GLT1D1: variants seen among roughly 807,000 people sequenced by gnomAD.
GLT1D1 encodes glycosyltransferase 1 domain containing 1.
GLT1D1 carries 21 observed loss-of-function variants against 28.7 expected under a neutral mutation model. That is an observed-to-expected ratio of 0.73 (90% CI 0.52 to 1.05). The LOEUF is 1.05. GLT1D1 is among the 50% of genes least tolerant of loss of function. The pLI is 0.00. For synonymous variants in GLT1D1, 147 were observed against 124.8 expected (o/e 1.18, Z -1.19); for missense variants, 343 against 330.6 (o/e 1.04, Z -0.29).
intron 1 of GLT1D1, among the ~76,000 whole-genome samples, chr12:128,859,435 C>T (rs778347840): frequency 2.9e-4 from 44 of 152,304 alleles, no homozygotes; most frequent in Middle Eastern, 3.4e-3. Context: ...CCATTTTGCC[C>T]CCAGGGCCGT....
chr12:128,959,610 T>C (rs1374791616), intron 7 of GLT1D1, among the ~76,000 whole-genome samples: 1 of 152,106 alleles, frequency 6.6e-6, no homozygotes, highest in East Asian at 1.9e-4. Context: ...TCTCTGTTAT[T>C]GTCTACAAAA....
At chr12:128,966,612 C>T (rs561154624) in intron 7 of GLT1D1, among the ~76,000 whole-genome samples, 23 of 152,212 alleles carry the variant, frequency 1.5e-4, no homozygotes, top group South Asian at 4.1e-4. Context: ...CTCTTCTGCA[C>T]GCAGCCCCAG....
At chr12:128,886,877 C>T (rs1391015235) in intron 2 of GLT1D1, among the ~76,000 whole-genome samples, 1 of 152,054 alleles carries the variant, frequency 6.6e-6, no homozygotes, top group Non-Finnish European at 1.5e-5. Context: ...AGCCTAAACC[C>T]CTGGTGAACC....
chr12:128,939,745 G>A (rs1874937403), intron 4 of GLT1D1, among the ~76,000 whole-genome samples: 2 of 151,904 alleles, frequency 1.3e-5, no homozygotes, highest in South Asian at 2.1e-4. Context: ...GGAAAAGCGC[G>A]AGGCTGGAGG....
intron 2 of GLT1D1, among the ~76,000 whole-genome samples, chr12:128,881,827 A>G (rs1957068106): frequency 6.6e-6 from 1 of 151,618 alleles, no homozygotes; most frequent in Non-Finnish European, 1.5e-5. Flanking sequence ...AACCTATTTT[A>G]CAATATGTTA....
chr12:128,899,054 CT>C (rs762597252), intron 3 of GLT1D1, among the ~76,000 whole-genome samples, 181 bp from the exon 4 acceptor site: 33 of 152,078 alleles, frequency 2.2e-4, no homozygotes, highest in Non-Finnish European at 3.7e-4. Flanking sequence ...GCATATAAAA[CT>C]TTTTTTTGAT....
rs1412811479 is a variant in GLT1D1 at position 128,875,993 on chromosome 12, C to T, written c.148C>T (p.Leu50Phe). The T allele has an allele frequency of 1.2e-6, 2 of 1,613,996 alleles. No individual in the cohort carries two copies. The highest frequency in any genetic ancestry group is 1.1e-5 in the South Asian group (1 of 91,078). ...TGAAAGCCGATCTGAGATTGCAAAC[C>T]TCATCTTGGCTGAGAACTGCGAGGC... Residue 50 changes from leucine to phenylalanine, a missense_variant, in exon 2 of 8, where the codon CTC becomes TTC. Coordinates refer to ENST00000281703, the MANE Select transcript of GLT1D1 (RefSeq NM_144669.3).
intron 4 of GLT1D1, among the ~76,000 whole-genome samples, chr12:128,944,116 A>G (rs1388273536): frequency 6.6e-6 from 1 of 152,246 alleles, no homozygotes; most frequent in Non-Finnish European, 1.5e-5. Flanking sequence ...CATTTGGCAC[A>G]TCCTTAGTAT....
At chr12:128,854,771 A>G (rs535722887) in intron 1 of GLT1D1, among the ~76,000 whole-genome samples, 10 of 152,134 alleles carry the variant, frequency 6.6e-5, no homozygotes, top group African/African-American at 2.4e-4. Context: ...TGCTGGGTTT[A>G]CAGGTATGAG....
chr12:128,910,197 A>T (rs951006929), intron 4 of GLT1D1, among the ~76,000 whole-genome samples: 1 of 151,902 alleles, frequency 6.6e-6, no homozygotes, highest in Non-Finnish European at 1.5e-5. Context: ...AGATCAGCAG[A>T]TAAGTCCAGA....
intron 7 of GLT1D1, 60 bp from the exon 12 acceptor site, chr12:128,982,869 G>A: frequency 5.3e-6 from 8 of 1,520,430 alleles, no homozygotes; most frequent in Non-Finnish European, 6.4e-6. Context: ...GATCTTGGGT[G>A]CATTTGCAAA....
At chr12:128,884,507 G>T (rs1303922651) in intron 2 of GLT1D1, among the ~76,000 whole-genome samples, 4 of 152,110 alleles carry the variant, frequency 2.6e-5, no homozygotes, top group Non-Finnish European at 5.9e-5. Context: ...ACAATGTATT[G>T]TATACTTGAA....
intron 4 of GLT1D1, among the ~76,000 whole-genome samples, chr12:128,908,446 T>G (rs1871169703): frequency 6.6e-6 from 1 of 151,062 alleles, no homozygotes; most frequent in Non-Finnish European, 1.5e-5. Flanking sequence ...TTTCTTTCCT[T>G]CTTTCCCTCT....
intron 5 of GLT1D1, among the ~76,000 whole-genome samples, chr12:128,947,069 T>C (rs1317276226): frequency 6.6e-6 from 1 of 152,248 alleles, no homozygotes; most frequent in African/African-American, 2.4e-5. Context: ...GAACCTTGTC[T>C]CTGACTCTTC....
intron 1 of GLT1D1, among the ~76,000 whole-genome samples, chr12:128,863,629 C>T (rs573418249): frequency 7.9e-5 from 12 of 152,172 alleles, no homozygotes; most frequent in Non-Finnish European, 1.3e-4. Flanking sequence ...TCACTCGCCT[C>T]GGCCTTCCAA....
In GLT1D1 at chr12:128,984,725, A is replaced by G. The variant is rs1880629290; in HGVS notation, c.*1635A>G. 2 of 152,192 alleles carry G rather than the reference A, an allele frequency of 1.3e-5. No individual in the cohort carries two copies. Among genetic ancestry groups the G allele is most frequent in the South Asian group, 2.1e-4 (1 of 4,820 alleles). The allele number at this position is 152,192 out of a possible 1,614,324, so 9.4% of individuals were successfully genotyped here. A position where few individuals can be genotyped will look rare whatever the true frequency, so the allele number is the denominator to read the frequency against. ...GAATCTGGAGTAATTAATGCCACCCAAAGAAAAGGCCCTGCCAGGTCCAAT... is the reference window on the plus strand; with the variant it reads ...GAATCTGGAGTAATTAATGCCACCCGAAGAAAAGGCCCTGCCAGGTCCAAT... On this transcript the variant is annotated 3_prime_UTR_variant, in exon 8 of 8. Coordinates refer to ENST00000281703, the MANE Select transcript of GLT1D1 (RefSeq NM_144669.3).
intron 4 of GLT1D1, among the ~76,000 whole-genome samples, chr12:128,907,506 C>A (rs1054223492): frequency 6.6e-6 from 1 of 152,050 alleles, no homozygotes; most frequent in Non-Finnish European, 1.5e-5. Context: ...GAGGTTTCAC[C>A]GTGTTAGCCA....
At chr12:128,978,075 G>A (rs973346314) in intron 7 of GLT1D1, among the ~76,000 whole-genome samples, 8 of 151,668 alleles carry the variant, frequency 5.3e-5, no homozygotes, top group Middle Eastern at 3.4e-3. Flanking sequence ...ATGAGTCCCC[G>A]CACCCGGCCT....
chr12:128,929,806 C>T (rs555191776), intron 4 of GLT1D1, among the ~76,000 whole-genome samples: 24 of 152,140 alleles, frequency 1.6e-4, no homozygotes, highest in African/African-American at 5.5e-4. Context: ...ACTAAAAGTA[C>T]AAAAATTAAA....
Sources: gnomAD v4.1 joint callset for allele counts (sites outside exome capture counted in the v4.1 genomes callset) on GRCh38, gnomAD v4.1.1 for gene constraint, MANE v1.5 for transcripts, NCBI Gene and HGNC (gene_info 2026-07-23, HGNC 2026-07-21) for gene names.